The following STIM2 variants were observed in gnomAD, a reference collection of about 807,000 sequenced individuals.
STIM2 encodes stromal interaction molecule 2.
STIM2 carries 31 observed loss-of-function variants against 85.8 expected under a neutral mutation model. The observed-to-expected ratio is 0.36, with a 90% CI of 0.27 to 0.49. The LOEUF (loss-of-function observed/expected upper bound fraction) is 0.49, where lower values mean the gene tolerates loss of function less well. Among genes scored for constraint, STIM2 ranks in the 20% least tolerant of loss-of-function variants. The pLI, the probability that STIM2 is intolerant of heterozygous loss-of-function variation, is 0.98. For missense variants in STIM2, 841 were observed against 927.6 expected, an observed-to-expected ratio of 0.91 and a Z score of 1.21; for synonymous variants, 356 against 331.1, an observed-to-expected ratio of 1.08 and a Z score of -0.82.
chr4:26,938,138 AT>A (rs1025635601), intron 2 of STIM2, among the ~76,000 whole-genome samples: 6 of 150,072 alleles, frequency 4.0e-5, no homozygotes, highest in African/African-American at 1.5e-4. Flanking sequence ...GACTTTTAGA[AT>A]TTTTTTTTCA....
rs1395020607 is a variant in STIM2 at position 27,025,227 on chromosome 4, T to C, written c.*2231T>C. 18 of 152,218 alleles carry C rather than the reference T, an allele frequency of 1.2e-4. No homozygotes were observed. Among genetic ancestry groups the C allele is most frequent in the East Asian group, 3.8e-4 (2 of 5,196 alleles). 9.4% of individuals were successfully genotyped at this position (152,218 alleles called of 1,614,324 possible). ...CATTTGTAAATTCAACAGGAAATTA[T>C]TGAGTTTTGGAAAGCTACAGTAATT... On this transcript the variant is annotated 3_prime_UTR_variant, in exon 12 of 12. Coordinates refer to ENST00000467087, the MANE Select transcript of STIM2 (RefSeq NM_020860.4).
chr4:26,939,577 G>GT (rs1253765739), intron 2 of STIM2, among the ~76,000 whole-genome samples: 1 of 152,164 alleles, frequency 6.6e-6, no homozygotes, highest in African/African-American at 2.4e-5. Context: ...TACTTTAATT[G>GT]TCAGTCCTTG....
chr4:26,951,113 T>C (rs1254750010), intron 2 of STIM2, among the ~76,000 whole-genome samples: 1 of 152,166 alleles, frequency 6.6e-6, no homozygotes, highest in Non-Finnish European at 1.5e-5. Flanking sequence ...AAATGTTTAT[T>C]ACTGGTGGGC....
rs184961251 is a variant in STIM2, at chr4:27,001,116, C to T, written c.626-1101C>T. On this transcript the variant is annotated intron_variant, in intron 5 of 11. Transcript: ENST00000467087. The stretch of plus-strand genomic sequence containing the variant: ...TACACAAACATAGCCAAACCCCAGA[C>T]TTGTCAGCCTAGGAACTTCTGTAGA... Among the ~76,000 whole-genome samples, 721 of 152,324 alleles carry T rather than the reference C, an allele frequency of 4.7e-3. 8 individuals are homozygous for T. The highest frequency in any genetic ancestry group is 0.017 in the African/African-American group (700 of 41,566).
At chr4:26,874,306 C>T (rs1722736434) in intron 1 of STIM2, 1 of 370,696 alleles carries the variant, frequency 2.7e-6, no homozygotes, top group African/African-American at 2.1e-5. Context: ...CTGGAGAGAT[C>T]TCCGGCGCAC....
intron 1 of STIM2, among the ~76,000 whole-genome samples, chr4:26,909,007 C>G (rs548952908): frequency 1.1e-4 from 16 of 152,278 alleles, no homozygotes; most frequent in African/African-American, 3.8e-4. Context: ...TGAGCCCAGG[C>G]ATTTGAGGCT....
intron 3 of STIM2, among the ~76,000 whole-genome samples, chr4:26,979,227 G>C (rs1241894230): frequency 6.6e-6 from 1 of 152,148 alleles, no homozygotes; most frequent in African/African-American, 2.4e-5. Context: ...TATTGTTAAA[G>C]ATGAAACATA....
intron 11 of STIM2, among the ~76,000 whole-genome samples, chr4:27,018,328 TTC>T (rs1286419807): frequency 6.6e-6 from 1 of 152,144 alleles, no homozygotes; most frequent in East Asian, 1.9e-4. Flanking sequence ...TGTCTGTGCT[TTC>T]TGTCAGCTGC....
At chr4:26,952,141 T>C (rs989259469) in intron 2 of STIM2, among the ~76,000 whole-genome samples, 3 of 152,230 alleles carry the variant, frequency 2.0e-5, no homozygotes, top group African/African-American at 7.2e-5. Context: ...GTGGGAATTA[T>C]GGGAGTACAA....
At chr4:26,927,696 A>C (rs1474214902) in intron 2 of STIM2, among the ~76,000 whole-genome samples, 5 of 128,474 alleles carry the variant, frequency 3.9e-5, no homozygotes, top group South Asian at 2.3e-4. Context: ...AAAAAAAAAA[A>C]AAAAAAAAAA....
At position 26,920,770 on chromosome 4, in the gene STIM2, C is replaced by G. The variant is rs138796045; in HGVS notation, c.282+1136C>G. Among the ~76,000 whole-genome samples the G allele has an allele frequency of 5.6e-3, 852 of 152,204 alleles. 7 individuals carry two copies. The highest frequency in any genetic ancestry group is 0.019 in the African/African-American group (785 of 41,518). ...TAGATCCCTGACCTTTTGCTTTCTG[C>G]CTGATGTTTTTAGAGGGCTCTTACT... On this transcript the variant is annotated intron_variant, in intron 2 of 11. Coordinates refer to ENST00000467087, the MANE Select transcript of STIM2 (RefSeq NM_020860.4).
At chr4:26,884,654 A>G (rs937729525) in intron 1 of STIM2, among the ~76,000 whole-genome samples, 2 of 152,246 alleles carry the variant, frequency 1.3e-5, no homozygotes, top group Non-Finnish European at 1.5e-5. Flanking sequence ...TTCATCTGTC[A>G]GTTGGCTGTA....
At chr4:26,983,161 A>G (rs1286255573) in intron 3 of STIM2, among the ~76,000 whole-genome samples, 2 of 152,362 alleles carry the variant, frequency 1.3e-5, no homozygotes, top group Non-Finnish European at 2.9e-5. Context: ...ACTTGGGAGA[A>G]AAATCGGAAT....
intron 3 of STIM2, among the ~76,000 whole-genome samples, chr4:26,964,567 C>G (rs980952268): frequency 6.6e-6 from 1 of 152,068 alleles, no homozygotes; most frequent in African/African-American, 2.4e-5. Context: ...TAACTTTTCC[C>G]CTGTGTTTAG....
At chr4:27,020,255 A>G (rs1399247133) in intron 11 of STIM2, among the ~76,000 whole-genome samples, 2 of 152,234 alleles carry the variant, frequency 1.3e-5, no homozygotes, top group Non-Finnish European at 2.9e-5. Context: ...AAATATTCAT[A>G]AAATTATAAC....
intron 1 of STIM2, among the ~76,000 whole-genome samples, chr4:26,903,499 G>C (rs1202848283): frequency 6.6e-6 from 1 of 152,014 alleles, no homozygotes; most frequent in Non-Finnish European, 1.5e-5. Flanking sequence ...TTACTTATTT[G>C]CTTGTTTCTT....
chr4:26,961,000 A>G (rs986310038), intron 3 of STIM2, among the ~76,000 whole-genome samples: 4 of 150,480 alleles, frequency 2.7e-5, no homozygotes, highest in Non-Finnish European at 5.9e-5. Context: ...GGAGTGCGCT[A>G]CTGCACTCCG....
intron 3 of STIM2, among the ~76,000 whole-genome samples, chr4:26,981,026 T>C (rs1240590273): frequency 6.6e-6 from 1 of 152,216 alleles, no homozygotes; most frequent in Non-Finnish European, 1.5e-5. Flanking sequence ...GCTTCTTAAA[T>C]ACTAATACCT....
chr4:26,864,909 T>C (rs1488179345), intron 1 of STIM2, among the ~76,000 whole-genome samples: 1 of 152,202 alleles, frequency 6.6e-6, no homozygotes, highest in Non-Finnish European at 1.5e-5. Flanking sequence ...ACTGAACTTT[T>C]AATGAAATCA....
Sources: allele counts gnomAD v4.1 joint callset (sites outside exome capture counted in the v4.1 genomes callset), GRCh38; gene constraint gnomAD v4.1.1; transcripts MANE v1.5; gene names NCBI Gene and HGNC (gene_info 2026-07-23, HGNC 2026-07-21).